Variants in ARHGAP24 observed in about 807,000 individuals in gnomAD.
ARHGAP24 encodes the protein rho GTPase-activating protein 24.
In ARHGAP24, 50 loss-of-function variants were observed where a neutral mutation model predicts 76.4. The observed-to-expected ratio is 0.65, with a 90% CI of 0.52 to 0.83. ARHGAP24 has a LOEUF of 0.83. Among genes scored for constraint, ARHGAP24 ranks in the 40% least tolerant of loss-of-function variants. The pLI is 0.00. For synonymous variants in ARHGAP24, 345 were observed against 323.3 expected (o/e 1.07, Z -0.72); for missense variants, 930 against 914.2 (o/e 1.02, Z -0.22).
rs548451557 is a variant in ARHGAP24 at position 85,665,648 on chromosome 4, G to C, written c.181-56237G>C. Among the ~76,000 whole-genome samples, 7 of 152,308 alleles carry C rather than the reference G, an allele frequency of 4.6e-5. 1 individual carries two copies. The South Asian group carries it at 1.5e-3, about 32-fold the overall frequency. On this transcript the variant is annotated intron_variant, in intron 2 of 9. Transcript: ENST00000395184. ...AATTTGGCTTGATTTTGCAGCGGCT[G>C]GTACCGGTTTTTCCTTTCCATGTTT...
At chr4:85,996,154 C>T (rs72660160) in intron 9 of ARHGAP24, among the ~76,000 whole-genome samples, 21,230 of 152,116 alleles carry the variant, frequency 0.14, 1,934 homozygotes, top group Non-Finnish European at 0.21. Context: ...CTGTTCCAGA[C>T]GCTGAGGATT....
chr4:85,683,054 A>G (rs1723266403), intron 2 of ARHGAP24, among the ~76,000 whole-genome samples: 1 of 126,958 alleles, frequency 7.9e-6, no homozygotes, highest in Non-Finnish European at 1.5e-5. Flanking sequence ...GCAAGCATGA[A>G]CTGAGTTAAA....
intron 2 of ARHGAP24, among the ~76,000 whole-genome samples, chr4:85,719,357 A>G (rs756135081): frequency 1.3e-5 from 2 of 152,178 alleles, no homozygotes; most frequent in Non-Finnish European, 2.9e-5. Flanking sequence ...AATTCCTCCA[A>G]CACCTCACCT....
Position 85,569,600 on chromosome 4 carries a change from G to A in ARHGAP24, c.-20-922G>A, listed in dbSNP as rs72979931. On this transcript the variant is annotated intron_variant, in intron 1 of 9. Coordinates refer to ENST00000395184, the MANE Select transcript of ARHGAP24 (RefSeq NM_001025616.3). ...CTTAAAATATTCCTCATCATGTCAT[G>A]ACTGGTGCACACCACACCCTCCTGA... is the stretch of plus-strand genomic sequence containing the variant. Among the ~76,000 whole-genome samples the A allele has an allele frequency of 7.9e-3, 1,196 of 152,240 alleles. 18 individuals are homozygous for A. Among genetic ancestry groups the A allele is most frequent in the African/African-American group, 0.026 (1,090 of 41,526 alleles).
chr4:85,927,130 C>A (rs1464647161), intron 4 of ARHGAP24, among the ~76,000 whole-genome samples: 2 of 151,952 alleles, frequency 1.3e-5, no homozygotes, highest in Non-Finnish European at 2.9e-5. Context: ...TGTGAAGTAT[C>A]CATAGAATGG....
intron 5 of ARHGAP24, among the ~76,000 whole-genome samples, chr4:85,953,950 G>T (rs569949503): frequency 6.6e-6 from 1 of 152,162 alleles, no homozygotes; most frequent in East Asian, 1.9e-4. Flanking sequence ...AGATCACTCT[G>T]ACTGAGAGTT....
intron 5 of ARHGAP24, among the ~76,000 whole-genome samples, chr4:85,968,193 G>A (rs1275040350): frequency 6.6e-6 from 1 of 152,028 alleles, no homozygotes; most frequent in African/African-American, 2.4e-5. Flanking sequence ...TCAGTGATTA[G>A]CCAAAAAGAA....
intron 2 of ARHGAP24, among the ~76,000 whole-genome samples, chr4:85,716,022 G>A (rs1578166116): frequency 6.6e-6 from 1 of 151,892 alleles, no homozygotes; most frequent in Admixed American, 6.6e-5. Context: ...CATTAAAAAT[G>A]GACATATATT....
intron 1 of ARHGAP24, among the ~76,000 whole-genome samples, chr4:85,488,938 A>G (rs1317721891): frequency 3.3e-5 from 5 of 152,238 alleles, no homozygotes; most frequent in African/African-American, 4.8e-5. Context: ...AAATTGTACC[A>G]TATTGATTTC....
chr4:85,636,914 T>G (rs765534517), intron 2 of ARHGAP24, among the ~76,000 whole-genome samples: 1 of 152,074 alleles, frequency 6.6e-6, no homozygotes, highest in Non-Finnish European at 1.5e-5. Context: ...TGCTTTGCTA[T>G]CTATAGACAT....
chr4:85,723,997 A>T (rs138179547), intron 3 of ARHGAP24, among the ~76,000 whole-genome samples: 6 of 151,430 alleles, frequency 4.0e-5, no homozygotes, highest in Non-Finnish European at 8.8e-5. Context: ...AATTTTTTCA[A>T]TGGTGTAATT....
At chr4:85,616,852 T>C (rs1180455885) in intron 2 of ARHGAP24, among the ~76,000 whole-genome samples, 1 of 152,058 alleles carries the variant, frequency 6.6e-6, no homozygotes, top group Admixed American at 6.6e-5. Context: ...GGTCTTGAAC[T>C]CCTGACCTTG....
At chr4:85,708,425 C>CT (rs566412460) in intron 2 of ARHGAP24, among the ~76,000 whole-genome samples, 842 of 151,180 alleles carry the variant, frequency 5.6e-3, no homozygotes, top group Non-Finnish European at 8.9e-3. Flanking sequence ...GTGTAAGACT[C>CT]TTTTTTTTTA....
chr4:85,487,698 AT>A (rs1467666160), intron 1 of ARHGAP24, among the ~76,000 whole-genome samples: 7 of 106,308 alleles, frequency 6.6e-5, no homozygotes, highest in Non-Finnish European at 1.2e-4. Flanking sequence ...ATAAATATAT[AT>A]TTATTATATT....
chr4:85,922,143 T>C (rs551730362), intron 3 of ARHGAP24, among the ~76,000 whole-genome samples: 16 of 152,348 alleles, frequency 1.1e-4, no homozygotes, highest in African/African-American at 3.6e-4. Context: ...GAGCCCTTCC[T>C]CTGTTCCCAT....
chr4:85,882,441 T>A (rs1456619044), intron 3 of ARHGAP24, among the ~76,000 whole-genome samples: 2 of 152,162 alleles, frequency 1.3e-5, no homozygotes, highest in African/African-American at 2.4e-5. Flanking sequence ...CCCCTGATAA[T>A]TAAGATGATA....
At chr4:85,722,054 T>C in intron 3 of ARHGAP24, 82 bp downstream of exon 3, 1 of 1,286,592 alleles carries the variant, frequency 7.8e-7, no homozygotes, top group Non-Finnish European at 1.1e-6. Context: ...GTTTCATTCT[T>C]TTTTGAATCA....
intron 1 of ARHGAP24, among the ~76,000 whole-genome samples, chr4:85,535,641 A>G (rs1233306860): frequency 6.6e-6 from 1 of 152,160 alleles, no homozygotes; most frequent in Admixed American, 6.5e-5. Context: ...TGGCCATCAA[A>G]TTCTTCTCAA....
rs995398066 is a variant in ARHGAP24 at position 85,954,519 on chromosome 4, A to G, written c.599+12246A>G. On this transcript the variant is annotated intron_variant, in intron 5 of 9. Coordinates refer to ENST00000395184, the MANE Select transcript of ARHGAP24 (RefSeq NM_001025616.3). ...GGCGTATAGTATGCACCAAACATTT[A>G]TCAAGAGAATATCCTAATACCTACT... Among the ~76,000 whole-genome samples the G allele has an allele frequency of 2.0e-5, 3 of 152,366 alleles. No homozygotes were observed. The East Asian group carries it at 5.8e-4, about 29-fold the overall frequency.
Sources: allele counts gnomAD v4.1 joint callset (sites outside exome capture counted in the v4.1 genomes callset), GRCh38; gene constraint gnomAD v4.1.1; transcripts MANE v1.5; gene names NCBI Gene and HGNC (gene_info 2026-07-23, HGNC 2026-07-21).